TSC22D1: variants seen among roughly 807,000 people sequenced by gnomAD.
The protein encoded by TSC22D1 is TSC22 domain family protein 1.
In TSC22D1, 9 loss-of-function variants were observed where a neutral mutation model predicts 74.2. The observed-to-expected ratio is 0.12, with a 90% CI of 0.07 to 0.21. The LOEUF (loss-of-function observed/expected upper bound fraction) is 0.21. Ranked by LOEUF, TSC22D1 falls within the 10% of genes least tolerant of loss-of-function variation. TSC22D1 has a pLI of 1.00. For missense variants in TSC22D1, 1,427 were observed against 1,304.7 expected (o/e 1.09, Z -1.44); for synonymous variants, 586 against 492.5 (o/e 1.19, Z -2.51).
intron 1 of TSC22D1, among the ~76,000 whole-genome samples, chr13:44,490,940 A>ATC (rs1878680330): frequency 6.7e-6 from 1 of 149,774 alleles, no homozygotes; most frequent in Non-Finnish European, 1.5e-5. Context: ...TAAAAAAAAT[A>ATC]TATATACATA....
chr13:44,574,008 T>C lies in TSC22D1; in HGVS notation c.2067A>G (p.Pro689=), dbSNP rs369466906. ...GCTGCACTGGCAGCTGGATACCCTGTGGCTGAGCCACAGGAATCACTGTTG... is the reference window on the plus strand; with the variant it reads ...GCTGCACTGGCAGCTGGATACCCTGCGGCTGAGCCACAGGAATCACTGTTG... The part of the protein sequence containing the change: ...AGTTVIPVAQ[P]QGIQLPVQPT... Residue 689 remains proline (P), a synonymous_variant, in exon 1 of 3, where the codon CCA becomes CCG. Transcript: ENST00000458659. The C allele has an allele frequency of 5.8e-5, 94 of 1,613,924 alleles. 1 individual carries two copies. In the South Asian group the frequency reaches 6.6e-4, roughly 11 times the overall value.
intron 1 of TSC22D1, among the ~76,000 whole-genome samples, chr13:44,481,350 A>G (rs1878168523): frequency 6.6e-6 from 1 of 152,176 alleles, no homozygotes; most frequent in South Asian, 2.1e-4. Flanking sequence ...AAAATGAGGA[A>G]GACAGGTAAC....
In TSC22D1 at chr13:44,434,194, C is replaced by T; in HGVS notation, c.*432G>A. On this transcript the variant is annotated 3_prime_UTR_variant, in exon 3 of 3. Coordinates refer to ENST00000458659, the MANE Select transcript of TSC22D1 (RefSeq NM_183422.4). ...TTTTTACCCTCCTTTCAAGTTCCTC[C>T]TGGGGGGAGGAGAGGAGAGAGGCGA... is the stretch of plus-strand genomic sequence containing the variant. The T allele has an allele frequency of 1.4e-6, 2 of 1,461,706 alleles. No homozygotes were observed. Among genetic ancestry groups the T allele is most frequent in the African/African-American group, 2.9e-5 (2 of 68,970 alleles). The allele number at this position is 1,461,706 out of a possible 1,614,324, so 90.5% of individuals were successfully genotyped here.
intron 1 of TSC22D1, among the ~76,000 whole-genome samples, chr13:44,512,708 G>A (rs920579088): frequency 3.9e-5 from 6 of 151,932 alleles, no homozygotes; most frequent in Middle Eastern, 3.2e-3. Flanking sequence ...CCAGTGCAGC[G>A]ACGCGATCTC....
chr13:44,511,561 A>G (rs1385274717), intron 1 of TSC22D1, among the ~76,000 whole-genome samples: 1 of 152,072 alleles, frequency 6.6e-6, no homozygotes, highest in Non-Finnish European at 1.5e-5. Flanking sequence ...TAATTGTTCA[A>G]TATGACAATC....
At chr13:44,454,953 T>C (rs1261610889) in intron 1 of TSC22D1, among the ~76,000 whole-genome samples, 3 of 152,138 alleles carry the variant, frequency 2.0e-5, no homozygotes, top group African/African-American at 4.8e-5. Flanking sequence ...TCAACAAATA[T>C]ATATTGAGCA....
intron 1 of TSC22D1, among the ~76,000 whole-genome samples, chr13:44,445,257 C>A (rs1391206652): frequency 7.3e-6 from 1 of 137,172 alleles, no homozygotes; most frequent in African/African-American, 2.8e-5. Flanking sequence ...ACACACAGAG[C>A]AAATCGATTT....
intron 1 of TSC22D1, among the ~76,000 whole-genome samples, chr13:44,525,147 G>A (rs1326498681): frequency 6.6e-6 from 1 of 152,066 alleles, no homozygotes; most frequent in Non-Finnish European, 1.5e-5. Flanking sequence ...ATTTGTAAAG[G>A]TGAAAGCCCA....
At chr13:44,543,324 T>C (rs1201738028) in intron 1 of TSC22D1, among the ~76,000 whole-genome samples, 3 of 152,240 alleles carry the variant, frequency 2.0e-5, no homozygotes, top group Admixed American at 6.5e-5. Flanking sequence ...ATTTAAGCTA[T>C]GAAATAGAAG....
In TSC22D1 at chr13:44,553,606, A is replaced by G. The variant is rs529969290; in HGVS notation, c.2912+19557T>C. On this transcript the variant is annotated intron_variant, in intron 1 of 2. Transcript: ENST00000458659. ...TTTCAGAATGAAAAAGTTGAGAATCACTTAATTGGGGTAATGGTTCTATTT... is the reference window on the plus strand; with the variant it reads ...TTTCAGAATGAAAAAGTTGAGAATCGCTTAATTGGGGTAATGGTTCTATTT... 1.5e-4 allele frequency among the ~76,000 whole-genome samples: 23 copies of G among 152,318 alleles called. No individual in the cohort carries two copies. In the South Asian group the frequency reaches 4.8e-3, roughly 32 times the overall value.
chr13:44,541,635 A>C (rs1263392523), intron 1 of TSC22D1, among the ~76,000 whole-genome samples: 1 of 152,316 alleles, frequency 6.6e-6, no homozygotes, highest in South Asian at 2.1e-4. Context: ...TAGGCTTTAA[A>C]AAGTATTTTA....
rs112613609 is a variant in TSC22D1, at chr13:44,574,569, TTGCTGCTGC to T, written c.1497_1505del (p.Gln507_Gln509del). 6.8e-6 allele frequency: 11 copies of T among 1,608,624 alleles called. No individual in the cohort carries two copies. The highest frequency in any genetic ancestry group is 4.2e-5 in the African/African-American group (3 of 71,740). On this transcript the variant is annotated inframe_deletion, in exon 1 of 3. Coordinates refer to ENST00000458659, the MANE Select transcript of TSC22D1 (RefSeq NM_183422.4). ...CTGGTTGTTGCTGTTGTTGTTGTTGTTGCTGCTGCTGCTGCTGCACCACCACAGTAGGGG... is the reference window on the plus strand; with the variant it reads ...CTGGTTGTTGCTGTTGTTGTTGTTGTTGCTGCTGCACCACCACAGTAGGGG...
chr13:44,538,865 G>T, intron 1 of TSC22D1: 1 of 985,348 alleles, frequency 1.0e-6, no homozygotes, highest in Non-Finnish European at 1.2e-6. Context: ...GAAGAAGTAT[G>T]ATGTTTTACC....
At chr13:44,576,376 T>G (rs1884250630), upstream of TSC22D1, 4 of 325,498 alleles carry the variant, frequency 1.2e-5, no homozygotes, top group Admixed American at 9.1e-5. Context: ...TCACGTGGGG[T>G]GCGGGGCAGG....
At chr13:44,492,375 A>T (rs1878767345) in intron 1 of TSC22D1, among the ~76,000 whole-genome samples, 1 of 152,214 alleles carries the variant, frequency 6.6e-6, no homozygotes, top group African/African-American at 2.4e-5. Flanking sequence ...TACAGTTTTT[A>T]CTGAATGTGT....
chr13:44,540,151 C>T (rs777531635), intron 1 of TSC22D1: 9 of 317,114 alleles, frequency 2.8e-5, no homozygotes, highest in East Asian at 7.7e-5. Context: ...AGCCATAACA[C>T]ACTCTGTGAT....
At chr13:44,505,551 C>A (rs551468415) in intron 1 of TSC22D1, among the ~76,000 whole-genome samples, 1 of 152,096 alleles carries the variant, frequency 6.6e-6, no homozygotes, top group South Asian at 2.1e-4. Context: ...GACTCCGTCT[C>A]AAAAAATAAA....
chr13:44,554,272 G>C (rs1019923309), intron 1 of TSC22D1, among the ~76,000 whole-genome samples: 1 of 152,170 alleles, frequency 6.6e-6, no homozygotes, highest in Non-Finnish European at 1.5e-5. Context: ...TGAAGAGGTA[G>C]CAGAAATAAG....
At chr13:44,497,892 A>C (rs1879043329) in intron 1 of TSC22D1, among the ~76,000 whole-genome samples, 2 of 152,118 alleles carry the variant, frequency 1.3e-5, no homozygotes, top group South Asian at 4.1e-4. Context: ...TTCCTACTCA[A>C]AATCTTTCCT....
Sources: gnomAD v4.1 joint callset for allele counts (sites outside exome capture counted in the v4.1 genomes callset) on GRCh38, gnomAD v4.1.1 for gene constraint, MANE v1.5 for transcripts, NCBI Gene and HGNC (gene_info 2026-07-23, HGNC 2026-07-21) for gene names.